The following ME1 variants were observed in gnomAD, a reference collection of about 807,000 sequenced individuals.
ME1 encodes malic enzyme 1.
A neutral mutation model predicts 66.4 loss-of-function variants in ME1; 74 were observed. The ratio of observed to expected loss-of-function variants is 1.11; its 90% confidence interval spans 0.92 to 1.35. The LOEUF is 1.35. ME1 is among the 40% of genes most tolerant of loss of function. The pLI, the probability that ME1 is intolerant of heterozygous loss-of-function variation, is 0.00. For synonymous variants in ME1, 251 were observed against 235.6 expected, an observed-to-expected ratio of 1.07 and a Z score of -0.60; for missense variants, 750 against 694.1, an observed-to-expected ratio of 1.08 and a Z score of -0.90.
At chr6:83,261,843 G>C (rs891254249) in intron 6 of ME1, among the ~76,000 whole-genome samples, 4 of 151,744 alleles carry the variant, frequency 2.6e-5, no homozygotes, top group African/African-American at 9.7e-5. Flanking sequence ...GTGAAACCCT[G>C]TCTCTACTAA....
chr6:83,247,985 C>T (rs1034376542), intron 7 of ME1, among the ~76,000 whole-genome samples: 2 of 152,098 alleles, frequency 1.3e-5, no homozygotes, highest in African/African-American at 2.4e-5. Context: ...ATTGTGGTGA[C>T]CTGCTTGGGG....
At position 83,235,306 on chromosome 6, in the gene ME1, A is replaced by G. The variant is rs947210927; in HGVS notation, c.1026+2411T>C. 2.6e-5 allele frequency among the ~76,000 whole-genome samples: 4 copies of G among 152,100 alleles called. No homozygotes were observed. The East Asian group carries it at 7.7e-4, about 29-fold the overall frequency. On this transcript the variant is annotated intron_variant, in intron 9 of 13. Coordinates refer to ENST00000369705, the MANE Select transcript of ME1 (RefSeq NM_002395.6). Reference sequence around the variant, plus strand: ...CTTGAATTTTTCTCACTAGGCTATCAGCTTCCTAAGATCAAGGGCTTTATT... The same window carrying G: ...CTTGAATTTTTCTCACTAGGCTATCGGCTTCCTAAGATCAAGGGCTTTATT...
intron 6 of ME1, among the ~76,000 whole-genome samples, chr6:83,293,045 G>A (rs1191268220): frequency 6.6e-6 from 1 of 152,164 alleles, no homozygotes; most frequent in African/African-American, 2.4e-5. Context: ...CAGGTACAGT[G>A]ACTCACAGCT....
chr6:83,321,523 TA>T (rs948301159), intron 5 of ME1, among the ~76,000 whole-genome samples: 1 of 151,896 alleles, frequency 6.6e-6, no homozygotes, highest in African/African-American at 2.4e-5. Flanking sequence ...ACAGTGTAAA[TA>T]AAGCCACTGG....
chr6:83,348,961 G>A (rs1400795354), intron 4 of ME1, among the ~76,000 whole-genome samples: 4 of 122,480 alleles, frequency 3.3e-5, no homozygotes, highest in Non-Finnish European at 6.3e-5. Flanking sequence ...TCCAGCCTGG[G>A]CAACAAGAGC....
At chr6:83,403,741 A>T (rs955517126) in intron 2 of ME1, among the ~76,000 whole-genome samples, 1 of 152,068 alleles carries the variant, frequency 6.6e-6, no homozygotes, top group Non-Finnish European at 1.5e-5. Flanking sequence ...TATGAGTGAG[A>T]ACATGTGGTG....
chr6:83,290,850 G>T (rs971679634), intron 6 of ME1, among the ~76,000 whole-genome samples: 1 of 152,174 alleles, frequency 6.6e-6, no homozygotes, highest in African/African-American at 2.4e-5. Context: ...TCTTCTTGTT[G>T]AATTGATCCC....
chr6:83,405,336 T>C (rs1470073013), intron 2 of ME1, among the ~76,000 whole-genome samples: 1 of 152,212 alleles, frequency 6.6e-6, no homozygotes. Flanking sequence ...GGAATACTTG[T>C]GACTTTTGCA....
intron 5 of ME1, among the ~76,000 whole-genome samples, chr6:83,345,428 A>T (rs1768667550): frequency 6.6e-6 from 1 of 152,260 alleles, no homozygotes; most frequent in Admixed American, 6.5e-5. Context: ...GCAAAAATAT[A>T]TTTCACATTA....
intron 6 of ME1, among the ~76,000 whole-genome samples, chr6:83,267,145 A>AT (rs1223607742): frequency 2.6e-5 from 4 of 152,158 alleles, no homozygotes; most frequent in Non-Finnish European, 5.9e-5. Context: ...ATAATTTATT[A>AT]TTTTTAAACT....
intron 2 of ME1, among the ~76,000 whole-genome samples, chr6:83,405,728 T>G (rs1191946651): frequency 3.6e-4 from 54 of 149,018 alleles, no homozygotes; most frequent in Non-Finnish European, 6.6e-4. Flanking sequence ...TGTTGTTTTT[T>G]TTTTTTTTTT....
chr6:83,359,779 C>T (rs564215471), intron 3 of ME1, among the ~76,000 whole-genome samples: 1 of 152,238 alleles, frequency 6.6e-6, no homozygotes, highest in South Asian at 2.1e-4. Flanking sequence ...GAGGGTAGCA[C>T]CTACATCTTT....
At chr6:83,388,120 G>C (rs1227489493) in intron 3 of ME1, among the ~76,000 whole-genome samples, 1 of 132,224 alleles carries the variant, frequency 7.6e-6, no homozygotes, top group Non-Finnish European at 1.6e-5. Flanking sequence ...ATCTCACTCT[G>C]TCCCACAGGC....
intron 6 of ME1, among the ~76,000 whole-genome samples, chr6:83,280,255 A>T (rs760830489): frequency 6.2e-4 from 95 of 152,110 alleles, no homozygotes; most frequent in Non-Finnish European, 1.1e-3. Flanking sequence ...CCATTTTTTT[A>T]AAAAATAATA....
chr6:83,267,235 GAACCC>G (rs1240833741), intron 6 of ME1, among the ~76,000 whole-genome samples: 6 of 152,032 alleles, frequency 3.9e-5, no homozygotes, highest in African/African-American at 1.4e-4. Context: ...TTACTAAAAA[GAACCC>G]AATAATCCAG....
chr6:83,239,569 A>G lies in ME1; in HGVS notation c.882T>C (p.Asp294=). Residue 294 remains aspartate (D), a synonymous_variant, in exon 8 of 14, where the codon GAT becomes GAC. Coordinates refer to ENST00000369705, the MANE Select transcript of ME1 (RefSeq NM_002395.6). ...CAGCTCCTTGGAATAGTATTGTTTGATCAGACAGTTTGTTCTTGGTTATTC... is the reference window on the plus strand; with the variant it reads ...CAGCTCCTTGGAATAGTATTGTTTGGTCAGACAGTTTGTTCTTGGTTATTC... ...ALRITKNKLS[D]QTILFQGAGE... 2 of 1,613,336 alleles carry G rather than the reference A, an allele frequency of 1.2e-6. No homozygotes were observed. Among genetic ancestry groups the G allele is most frequent in the Non-Finnish European group, 1.7e-6 (2 of 1,179,388 alleles).
chr6:83,374,892 G>T (rs997531308), intron 3 of ME1, among the ~76,000 whole-genome samples: 1 of 152,180 alleles, frequency 6.6e-6, no homozygotes, highest in African/African-American at 2.4e-5. Flanking sequence ...GTTTGTCAAA[G>T]ATCAGATAGT....
intron 3 of ME1, among the ~76,000 whole-genome samples, chr6:83,367,543 T>A (rs968916063): frequency 6.6e-6 from 1 of 152,246 alleles, no homozygotes; most frequent in African/African-American, 2.4e-5. Flanking sequence ...GATAACTTGC[T>A]GTAGCTTCTC....
chr6:83,392,379 T>A (rs1033784531), intron 3 of ME1: 19 of 514,976 alleles, frequency 3.7e-5, no homozygotes, highest in Middle Eastern at 1.3e-3. Flanking sequence ...AACAGCTGCA[T>A]CTTCTCGTGC....
Sources: gnomAD v4.1 joint callset for allele counts (sites outside exome capture counted in the v4.1 genomes callset) on GRCh38, gnomAD v4.1.1 for gene constraint, MANE v1.5 for transcripts, NCBI Gene and HGNC (gene_info 2026-07-23, HGNC 2026-07-21) for gene names.